RANBP2: variants seen among roughly 807,000 people sequenced by gnomAD.
RANBP2 encodes RAN binding protein 2.
RANBP2 carries 57 observed loss-of-function variants against 303.6 expected under a neutral mutation model. The ratio of observed to expected loss-of-function variants is 0.19; its 90% CI spans 0.15 to 0.23. The LOEUF (loss-of-function observed/expected upper bound fraction) is 0.23. RANBP2 is among the 10% of genes least tolerant of loss of function. The pLI, the probability that RANBP2 is intolerant of heterozygous loss-of-function variation, is 1.00. For missense variants in RANBP2, 3,138 were observed against 3,780.8 expected (o/e 0.83, Z 4.46); for synonymous variants, 1,167 against 1,301.5 (o/e 0.90, Z 2.23).
At chr2:109,166,957 T>C in the RANBP2 span, among the ~76,000 whole-genome samples, 1 of 152,222 alleles carries the variant, frequency 6.6e-6, no homozygotes, top group Non-Finnish European at 1.5e-5. Context: ...TCTACCTTCT[T>C]GTAAAAGGGC....
the RANBP2 span, among the ~76,000 whole-genome samples, chr2:109,345,722 CGTAGACTA>C: frequency 6.6e-5 from 10 of 152,174 alleles, no homozygotes; most frequent in East Asian, 1.9e-3. Flanking sequence ...TTAAAGTATT[CGTAGACTA>C]AGTTCTATTA....
the RANBP2 span, among the ~76,000 whole-genome samples, chr2:108,906,024 C>T: frequency 1.4e-5 from 2 of 146,244 alleles, no homozygotes; most frequent in South Asian, 2.1e-4. Flanking sequence ...GTGGCTGCTG[C>T]TCACCGACCC....
chr2:109,597,895 T>C, the RANBP2 span, among the ~76,000 whole-genome samples: 2 of 152,162 alleles, frequency 1.3e-5, no homozygotes. Flanking sequence ...CCTTTTCCTG[T>C]CCACCAATTA....
At chr2:108,919,698 C>T in the RANBP2 span, among the ~76,000 whole-genome samples, 1 of 152,160 alleles carries the variant, frequency 6.6e-6, no homozygotes, top group Non-Finnish European at 1.5e-5. Flanking sequence ...TGCCCAGTGT[C>T]CCAGGCTCTG....
chr2:108,753,971 A>T lies in RANBP2; in HGVS notation c.2202A>T (p.Lys734Asn), dbSNP rs1573777879. The T allele has an allele frequency of 6.2e-7, 1 of 1,611,888 alleles. No individual in the cohort carries two copies. The highest frequency in any genetic ancestry group is 2.3e-4 in the Middle Eastern group (1 of 4,428). ...DSDSNLSVVKKLPVPLESVKE... is the reference protein window; with the variant it reads ...DSDSNLSVVKNLPVPLESVKE... ...ATTCAAATCTTTCAGTGGTCAAGAA[A>T]GTAAGTAGCAGGTTGTTGTATGTAC... The change falls in exon 15 of 29, where the codon AAA becomes AAT. Residue 734 changes from lysine (K) to asparagine (N), a missense_variant and splice_region_variant. Lys to Asn is a moderately conservative substitution (Grantham distance 94, BLOSUM62 0). Coordinates refer to ENST00000283195, the MANE Select transcript of RANBP2 (RefSeq NM_006267.5).
chr2:108,873,417 C>T, the RANBP2 span: 1 of 1,516,142 alleles, frequency 6.6e-7, no homozygotes, highest in Non-Finnish European at 8.8e-7. Flanking sequence ...TTCGCTACTC[C>T]CTAATAGTAA....
At chr2:109,314,750 T>C in the RANBP2 span, among the ~76,000 whole-genome samples, 1 of 152,238 alleles carries the variant, frequency 6.6e-6, no homozygotes, top group African/African-American at 2.4e-5. Context: ...CAATTTCTTA[T>C]TCTGTAAATT....
chr2:109,512,482 C>T, the RANBP2 span, among the ~76,000 whole-genome samples: 4 of 152,230 alleles, frequency 2.6e-5, no homozygotes, highest in South Asian at 2.1e-4. Context: ...CACTCTGTAC[C>T]GCGCTGGGCA....
rs2867267 is a variant in RANBP2 at position 108,755,229 on chromosome 2, A to T, written c.2436A>T (p.Lys812Asn). 1.9e-6 allele frequency: 3 copies of T among 1,611,922 alleles called. No homozygotes were observed. The highest frequency in any genetic ancestry group is 2.3e-4 in the Middle Eastern group (1 of 4,430). ...CAGAAGATCAGAATTCTTTACTGAA[A>T]ATGATTTGCCAACAAGTAGAGGCCA... is the stretch of plus-strand genomic sequence containing the variant. ...RWAEDQNSLL[K>N]MICQQVEAIK... Residue 812 changes from lysine to asparagine, a missense_variant, in exon 17 of 29, where the codon AAA becomes AAT. By Grantham distance (94) the Lys-to-Asn change is moderately conservative. Coordinates refer to ENST00000283195, the MANE Select transcript of RANBP2 (RefSeq NM_006267.5).
chr2:109,703,448 A>G, the RANBP2 span, among the ~76,000 whole-genome samples: 1 of 152,204 alleles, frequency 6.6e-6, no homozygotes, highest in Non-Finnish European at 1.5e-5. Context: ...TTTATTCTTG[A>G]GATGGAGTCT....
chr2:109,094,196 G>A, the RANBP2 span, among the ~76,000 whole-genome samples: 1 of 152,120 alleles, frequency 6.6e-6, no homozygotes, highest in African/African-American at 2.4e-5. Context: ...TGAGAGATGA[G>A]ACTATCATGG....
the RANBP2 span, among the ~76,000 whole-genome samples, chr2:108,934,489 G>A: frequency 1.3e-5 from 2 of 152,230 alleles, no homozygotes; most frequent in Admixed American, 1.3e-4. Flanking sequence ...TTGTGACAGT[G>A]ATGGGGAGAG....
the RANBP2 span, among the ~76,000 whole-genome samples, chr2:109,635,875 A>G: frequency 2.0e-5 from 3 of 152,240 alleles, no homozygotes; most frequent in African/African-American, 7.2e-5. Context: ...GAATTGTATT[A>G]CGGTTATTAA....
the RANBP2 span, among the ~76,000 whole-genome samples, chr2:109,013,587 T>C: frequency 1.3e-5 from 2 of 151,996 alleles, no homozygotes; most frequent in Non-Finnish European, 2.9e-5. Flanking sequence ...AGGCAATCTC[T>C]TTCCAATCTT....
the RANBP2 span, among the ~76,000 whole-genome samples, chr2:109,202,198 C>G: frequency 6.6e-6 from 1 of 152,184 alleles, no homozygotes; most frequent in Non-Finnish European, 1.5e-5. Flanking sequence ...TCTTCCCTCC[C>G]TTGTTTCCCA....
At chr2:109,612,619 T>C in the RANBP2 span, among the ~76,000 whole-genome samples, 2 of 152,212 alleles carry the variant, frequency 1.3e-5, no homozygotes, top group Admixed American at 6.5e-5. Context: ...CTAAATGAAG[T>C]GTTCTCTTCT....
At chr2:109,536,274 G>C in the RANBP2 span, among the ~76,000 whole-genome samples, 1 of 152,162 alleles carries the variant, frequency 6.6e-6, no homozygotes, top group Non-Finnish European at 1.5e-5. Context: ...AGCCACGAGG[G>C]AGGATATACC....
the RANBP2 span, among the ~76,000 whole-genome samples, chr2:109,293,901 C>T: frequency 3.0e-3 from 462 of 152,292 alleles, 4 homozygotes; most frequent in African/African-American, 0.011. Flanking sequence ...GGCTTGTTGC[C>T]GAGTAGCCCT....
the RANBP2 span, among the ~76,000 whole-genome samples, chr2:109,421,261 G>A: frequency 3.7e-4 from 57 of 152,244 alleles, 1 homozygote; most frequent in Admixed American, 7.2e-4. Context: ...GAGGCCATGA[G>A]TGCTTCAAGG....
Sources: allele counts gnomAD v4.1 joint callset (sites outside exome capture counted in the v4.1 genomes callset), GRCh38; gene constraint gnomAD v4.1.1; transcripts MANE v1.5; gene names NCBI Gene and HGNC (gene_info 2026-07-23, HGNC 2026-07-21).